FIP1L1: variants seen among roughly 807,000 people sequenced by gnomAD.
The protein encoded by FIP1L1 is factor interacting with PAPOLA and CPSF1.
A neutral mutation model predicts 84.6 loss-of-function variants in FIP1L1; 21 were observed. That is an observed-to-expected ratio of 0.25 (90% CI 0.18 to 0.36). FIP1L1 has a LOEUF of 0.36. Among genes scored for constraint, FIP1L1 ranks in the 10% least tolerant of loss-of-function variants. FIP1L1 has a pLI of 1.00. For missense variants in FIP1L1, 526 were observed against 751.1 expected (o/e 0.70, Z 3.50); for synonymous variants, 263 against 242.3 (o/e 1.09, Z -0.80).
At chr4:53,426,031 TATTCA>T in intron 12 of FIP1L1, 66 bp downstream of exon 12, 2 of 1,109,338 alleles carry the variant, frequency 1.8e-6, no homozygotes, top group Non-Finnish European at 2.7e-6. Flanking sequence ...TAATTTAATT[TATTCA>T]ATAGATAGTC....
intron 13 of FIP1L1, among the ~76,000 whole-genome samples, chr4:53,430,912 A>G (rs1766364943): frequency 1.3e-5 from 2 of 152,174 alleles, no homozygotes; most frequent in African/African-American, 4.8e-5. Flanking sequence ...CCTAACTGGT[A>G]TATGTGCTGA....
In FIP1L1 at chr4:53,404,690, T is replaced by C. The variant is rs1229517836; in HGVS notation, c.815+4851T>C. Among the ~76,000 whole-genome samples the C allele has an allele frequency of 1.1e-4, 16 of 152,300 alleles. No homozygotes were observed. The South Asian group carries it at 2.9e-3, about 28-fold the overall frequency. On this transcript the variant is annotated intron_variant, in intron 10 of 17. Transcript: ENST00000337488. Reference sequence around the variant, plus strand: ...CAGCACGTGTTGTTTCCTGACTTTTTAATGATCGCCATTCTAACTGGTGTG... The same window carrying C: ...CAGCACGTGTTGTTTCCTGACTTTTCAATGATCGCCATTCTAACTGGTGTG...
In FIP1L1 at chr4:53,419,938, G is replaced by A. The variant is rs1369146643; in HGVS notation, c.923+5216G>A. ...GACCAGCCTGACCAGGCCAGGCGCG[G>A]TGGCTCACGCCTGTAATCCCAGCAC... On this transcript the variant is annotated intron_variant, in intron 11 of 17. Transcript: ENST00000337488. Among the ~76,000 whole-genome samples the A allele has an allele frequency of 6.6e-5, 10 of 152,002 alleles. No homozygotes were observed. The East Asian group carries it at 1.2e-3, about 18-fold the overall frequency.
chr4:53,431,910 T>G lies in FIP1L1; in HGVS notation c.1174+3727T>G, dbSNP rs376512343. On this transcript the variant is annotated intron_variant, in intron 13 of 17. Coordinates refer to ENST00000337488, the MANE Select transcript of FIP1L1 (RefSeq NM_030917.4). ...GAAATGTATTGCCTCCTCTCACCCT[T>G]AAACACACACCTGCAAACGTATATG... Among the ~76,000 whole-genome samples, 17 of 152,290 alleles carry G rather than the reference T, an allele frequency of 1.1e-4. No homozygotes were observed. In the East Asian group the frequency reaches 1.9e-3, roughly 17 times the overall value.
At chr4:53,399,941 A>G (rs1191134274) in intron 10 of FIP1L1, 102 bp downstream of exon 10, 3 of 763,296 alleles carry the variant, frequency 3.9e-6, no homozygotes, top group East Asian at 5.1e-5. Context: ...TTACCAAAAA[A>G]CTGGAACATT....
intron 16 of FIP1L1, among the ~76,000 whole-genome samples, chr4:53,456,206 GC>G (rs1321407659): frequency 1.3e-5 from 2 of 152,064 alleles, no homozygotes; most frequent in African/African-American, 4.8e-5. Flanking sequence ...AAAATAAATT[GC>G]TTTGCCAAGC....
intron 5 of FIP1L1, among the ~76,000 whole-genome samples, chr4:53,384,381 C>T (rs1385787539): frequency 6.6e-6 from 1 of 151,722 alleles, no homozygotes; most frequent in Non-Finnish European, 1.5e-5. Context: ...TGTACTCCAG[C>T]CTGGGTAACA....
chr4:53,404,784 G>A (rs561636121), intron 10 of FIP1L1, among the ~76,000 whole-genome samples: 56 of 152,190 alleles, frequency 3.7e-4, no homozygotes, highest in Non-Finnish European at 5.9e-4. Flanking sequence ...ATTTTTTCAT[G>A]TGTTTTTTGG....
intron 14 of FIP1L1, 50 bp from the exon 15 acceptor site, chr4:53,443,998 T>G (rs188700801): frequency 8.5e-5 from 115 of 1,345,804 alleles, no homozygotes; most frequent in Non-Finnish European, 1.1e-4. Context: ...ATTATTAAAA[T>G]TCAGAACTTA....
At chr4:53,438,015 G>T (rs573958145) in intron 13 of FIP1L1, among the ~76,000 whole-genome samples, 89 of 152,044 alleles carry the variant, frequency 5.9e-4, no homozygotes, top group African/African-American at 2.1e-3. Flanking sequence ...GTGAGCCACC[G>T]CGCCCGGCCT....
At chr4:53,456,302 A>G (rs1253978087) in intron 16 of FIP1L1, among the ~76,000 whole-genome samples, 1 of 152,158 alleles carries the variant, frequency 6.6e-6, no homozygotes, top group Non-Finnish European at 1.5e-5. Context: ...CTTCAAATAC[A>G]TGCACAGATA....
intron 11 of FIP1L1, among the ~76,000 whole-genome samples, chr4:53,415,772 C>T (rs546415685): frequency 6.6e-6 from 1 of 152,104 alleles, no homozygotes; most frequent in South Asian, 2.1e-4. Flanking sequence ...GTAAGTATTT[C>T]CTGTTAGGAA....
rs573302432 is a variant in FIP1L1 at position 53,398,765 on chromosome 4, G to C, written c.706-965G>C. Among the ~76,000 whole-genome samples the C allele has an allele frequency of 7.0e-4, 106 of 152,218 alleles. 1 individual carries two copies. Among genetic ancestry groups the C allele is most frequent in the African/African-American group, 2.4e-3 (98 of 41,524 alleles). On this transcript the variant is annotated intron_variant, in intron 9 of 17. Transcript: ENST00000337488. ...TCAACAGACTAGAGGAATGTGACTG[G>C]GCTACAATCAAAGGATCTAATAAGA... is the stretch of plus-strand genomic sequence containing the variant.
At chr4:53,420,013 G>A (rs1761509586) in intron 11 of FIP1L1, among the ~76,000 whole-genome samples, 1 of 151,632 alleles carries the variant, frequency 6.6e-6, no homozygotes, top group Non-Finnish European at 1.5e-5. Context: ...TCGAGACCAC[G>A]GTGCAACCCC....
At chr4:53,426,189 A>G (rs1480080913) in intron 12 of FIP1L1, among the ~76,000 whole-genome samples, 2 of 152,122 alleles carry the variant, frequency 1.3e-5, no homozygotes, top group Non-Finnish European at 2.9e-5. Context: ...TGGTAGAAAC[A>G]TAGTACAGGT....
intron 11 of FIP1L1, among the ~76,000 whole-genome samples, chr4:53,420,274 A>T (rs1411712950): frequency 2.1e-5 from 3 of 145,040 alleles, no homozygotes; most frequent in Admixed American, 6.9e-5. Flanking sequence ...AAAAAAAATT[A>T]AAAAAAAAAT....
Position 53,460,807 on chromosome 4 carries a change from T to C in FIP1L1, c.*1358T>C. The C allele has an allele frequency of 8.5e-7, 1 of 1,173,472 alleles. No individual in the cohort carries two copies. The allele number at this position is 1,173,472 out of a possible 1,614,324, so 72.7% of individuals were successfully genotyped here. ...TACTTTTCCTGACATTTTTACAATGTATTCTTTCTTTAAATATAAAAACTG... is the reference window on the plus strand; with the variant it reads ...TACTTTTCCTGACATTTTTACAATGCATTCTTTCTTTAAATATAAAAACTG... On this transcript the variant is annotated 3_prime_UTR_variant, in exon 18 of 18. Coordinates refer to ENST00000337488, the MANE Select transcript of FIP1L1 (RefSeq NM_030917.4).
chr4:53,412,247 A>G (rs1757569990), intron 10 of FIP1L1, among the ~76,000 whole-genome samples: 1 of 152,106 alleles, frequency 6.6e-6, no homozygotes, highest in Admixed American at 6.5e-5. Context: ...TTAAGCATGT[A>G]TTTCCTCAGA....
chr4:53,440,840 AC>A, intron 13 of FIP1L1: 1 of 465,840 alleles, frequency 2.1e-6, no homozygotes, highest in Non-Finnish European at 3.9e-6. Flanking sequence ...GAAAATTCTT[AC>A]CTATTCAATT....
Sources: allele counts gnomAD v4.1 joint callset (sites outside exome capture counted in the v4.1 genomes callset), GRCh38; gene constraint gnomAD v4.1.1; transcripts MANE v1.5; gene names NCBI Gene and HGNC (gene_info 2026-07-23, HGNC 2026-07-21).